Variants in ACSS3 observed in about 807,000 individuals in gnomAD.
The protein encoded by ACSS3 is acyl-CoA synthetase short-chain family member 3, mitochondrial.
In ACSS3, 64 loss-of-function variants were observed where a neutral mutation model predicts 84.2. The ratio of observed to expected loss-of-function variants is 0.76; its 90% CI spans 0.62 to 0.94. The LOEUF (loss-of-function observed/expected upper bound fraction) is 0.94, where lower values mean the gene tolerates loss of function less well. Ranked by LOEUF, ACSS3 falls within the 40% of genes least tolerant of loss-of-function variation. ACSS3 has a pLI of 0.00. For synonymous variants in ACSS3, 317 were observed against 310.1 expected (o/e 1.02, Z -0.23); for missense variants, 815 against 867.6 (o/e 0.94, Z 0.76).
intron 2 of ACSS3, among the ~76,000 whole-genome samples, chr12:81,109,982 T>A (rs1006877138): frequency 1.3e-5 from 2 of 152,168 alleles, no homozygotes; most frequent in African/African-American, 4.8e-5. Flanking sequence ...TGGTCTTTAC[T>A]CTTCATCCAC....
At chr12:81,171,644 C>A (rs141039781) in intron 7 of ACSS3, among the ~76,000 whole-genome samples, 1 of 151,838 alleles carries the variant, frequency 6.6e-6, no homozygotes, top group Non-Finnish European at 1.5e-5. Context: ...ATAATATTGA[C>A]GAAAATTAGT....
intron 1 of ACSS3, among the ~76,000 whole-genome samples, chr12:81,105,715 A>C (rs1371214643): frequency 6.6e-6 from 1 of 152,200 alleles, no homozygotes; most frequent in Admixed American, 6.5e-5. Flanking sequence ...TGCTGTATAT[A>C]TTCTCCTTGT....
intron 2 of ACSS3, among the ~76,000 whole-genome samples, chr12:81,111,020 T>A (rs1224400130): frequency 6.6e-6 from 1 of 152,154 alleles, no homozygotes; most frequent in East Asian, 1.9e-4. Context: ...AAGGATCGCC[T>A]TTCCAGTCCT....
intron 1 of ACSS3, among the ~76,000 whole-genome samples, chr12:81,086,312 C>G (rs12298830): frequency 0.065 from 9,841 of 152,100 alleles, 786 homozygotes; most frequent in African/African-American, 0.19. Context: ...AAGGTATCTG[C>G]TTGGCATGAA....
chr12:81,248,007 A>G (rs184966977), intron 13 of ACSS3, among the ~76,000 whole-genome samples: 2 of 152,228 alleles, frequency 1.3e-5, no homozygotes, highest in East Asian at 3.9e-4. Context: ...ACATTTTATG[A>G]GTAATTATTA....
At chr12:81,104,460 C>T (rs1270605114) in intron 1 of ACSS3, among the ~76,000 whole-genome samples, 9 of 152,128 alleles carry the variant, frequency 5.9e-5, no homozygotes, top group Non-Finnish European at 2.9e-5. Flanking sequence ...GATTTCTGCT[C>T]TTGCCAAGGT....
At position 81,259,262 on chromosome 12, in the gene ACSS3, G is replaced by A. The variant is rs1162320378; in HGVS notation, c.*4340G>A. ...TTGGAATTGTCAAATGTTTGCACTCGAGACTCCATGAACCATATATTTTAT... is the reference window on the plus strand; with the variant it reads ...TTGGAATTGTCAAATGTTTGCACTCAAGACTCCATGAACCATATATTTTAT... On this transcript the variant is annotated 3_prime_UTR_variant, in exon 16 of 16. Coordinates refer to ENST00000548058, the MANE Select transcript of ACSS3 (RefSeq NM_024560.4). 7 of 281,140 alleles carry A rather than the reference G, an allele frequency of 2.5e-5. No homozygotes were observed. The East Asian group carries it at 3.1e-4, about 12-fold the overall frequency. The allele number at this position is 281,140 out of a possible 1,614,324, so 17.4% of individuals were successfully genotyped here. A position where few individuals can be genotyped will look rare whatever the true frequency, so the allele number is the denominator to read the frequency against.
Position 81,259,742 on chromosome 12 carries a change from C to G in ACSS3, c.*4820C>G, listed in dbSNP as rs2034725707. 1 of 1,232,426 alleles carries G rather than the reference C, an allele frequency of 8.1e-7. No homozygotes were observed. Among genetic ancestry groups the G allele is most frequent in the East Asian group, 2.6e-5 (1 of 39,162 alleles). 76.3% of individuals were successfully genotyped at this position (1,232,426 alleles called of 1,614,324 possible). On this transcript the variant is annotated 3_prime_UTR_variant, in exon 16 of 16. Coordinates refer to ENST00000548058, the MANE Select transcript of ACSS3 (RefSeq NM_024560.4). ...CATTCTACTCCTCTGTGGTGTACCT[C>G]CACGCAGCCTGCTTACTCCTGTCCT...
intron 1 of ACSS3, among the ~76,000 whole-genome samples, chr12:81,086,038 A>C (rs1881288987): frequency 1.3e-5 from 2 of 152,204 alleles, no homozygotes; most frequent in African/African-American, 4.8e-5. Context: ...CCAGAAAGCA[A>C]TTTAATCCCC....
At chr12:81,235,289 A>G (rs1479145818) in intron 13 of ACSS3, among the ~76,000 whole-genome samples, 1 of 150,966 alleles carries the variant, frequency 6.6e-6, no homozygotes, top group East Asian at 1.9e-4. Flanking sequence ...TGTTTTTTTT[A>G]TGATGATCAT....
At chr12:81,204,048 A>G (rs931137043) in intron 9 of ACSS3, among the ~76,000 whole-genome samples, 25 of 152,120 alleles carry the variant, frequency 1.6e-4, no homozygotes, top group African/African-American at 5.8e-4. Context: ...CAAATAAAAC[A>G]CTATATTGTT....
At chr12:81,105,435 A>T (rs2121469201) in intron 1 of ACSS3, among the ~76,000 whole-genome samples, 1 of 152,328 alleles carries the variant, frequency 6.6e-6, no homozygotes, top group African/African-American at 2.4e-5. Context: ...AAAAAGTAAA[A>T]TCATCTATAA....
At chr12:81,120,303 T>A (rs1049219805) in intron 2 of ACSS3, among the ~76,000 whole-genome samples, 5 of 152,196 alleles carry the variant, frequency 3.3e-5, no homozygotes, top group African/African-American at 1.2e-4. Flanking sequence ...AGTCTAAGTT[T>A]AGTAGGAAGA....
chr12:81,217,907 C>A (rs951129645), intron 10 of ACSS3, among the ~76,000 whole-genome samples: 1 of 152,028 alleles, frequency 6.6e-6, no homozygotes, highest in Non-Finnish European at 1.5e-5. Context: ...GAAAACATTT[C>A]TTTGATGCTG....
At chr12:81,138,932 G>A (rs1885946423) in intron 3 of ACSS3, among the ~76,000 whole-genome samples, 199 bp from the exon 4 acceptor site, 1 of 152,154 alleles carries the variant, frequency 6.6e-6, no homozygotes, top group Non-Finnish European at 1.5e-5. Context: ...GTTTTGAACA[G>A]GTAAGTGAGA....
chr12:81,149,288 A>T (rs562600236), intron 5 of ACSS3, among the ~76,000 whole-genome samples: 34 of 152,266 alleles, frequency 2.2e-4, no homozygotes, highest in South Asian at 1.4e-3. Flanking sequence ...AGCATAATTT[A>T]TGTGTTTTCA....
intron 9 of ACSS3, among the ~76,000 whole-genome samples, chr12:81,203,910 G>A (rs2032224754): frequency 1.3e-5 from 2 of 152,146 alleles, no homozygotes; most frequent in Non-Finnish European, 2.9e-5. Flanking sequence ...TAGAGAAACA[G>A]AGGTTTTACA....
intron 2 of ACSS3, among the ~76,000 whole-genome samples, chr12:81,124,797 TC>T (rs757110887): frequency 5.3e-5 from 8 of 152,190 alleles, no homozygotes; most frequent in South Asian, 4.1e-4. Flanking sequence ...TCTCTTTCCC[TC>T]CTTTTAAAAT....
chr12:81,176,870 G>T (rs2030519413), intron 8 of ACSS3, among the ~76,000 whole-genome samples: 1 of 151,968 alleles, frequency 6.6e-6, no homozygotes. Context: ...AATGAAAAAA[G>T]AACTTTAGGC....
Sources: gnomAD v4.1 joint callset for allele counts (sites outside exome capture counted in the v4.1 genomes callset) on GRCh38, gnomAD v4.1.1 for gene constraint, MANE v1.5 for transcripts, NCBI Gene and HGNC (gene_info 2026-07-23, HGNC 2026-07-21) for gene names.